The following LIPK variants were observed in gnomAD, a reference collection of about 807,000 sequenced individuals.
The protein encoded by LIPK is lipase family member K, also known as lipase member K.
A neutral mutation model predicts 48.6 loss-of-function variants in LIPK; 32 were observed. That is an observed-to-expected ratio of 0.66 (90% CI 0.50 to 0.88). LIPK has a LOEUF of 0.88. Ranked by LOEUF, LIPK falls within the 40% of genes least tolerant of loss-of-function variation. LIPK has a pLI of 0.00. For synonymous variants in LIPK, 164 were observed against 157.4 expected, an observed-to-expected ratio of 1.04 and a Z score of -0.32; for missense variants, 507 against 478.5, an observed-to-expected ratio of 1.06 and a Z score of -0.56.
intron 7 of LIPK, among the ~76,000 whole-genome samples, chr10:88,739,069 T>C (rs942211531): frequency 2.0e-5 from 3 of 152,234 alleles, no homozygotes; most frequent in Non-Finnish European, 4.4e-5. Flanking sequence ...AATAGTGCAA[T>C]TGAAAATATG....
chr10:88,750,032 T>C (rs1300854399), intron 9 of LIPK, among the ~76,000 whole-genome samples: 1 of 152,096 alleles, frequency 6.6e-6, no homozygotes, highest in Non-Finnish European at 1.5e-5. Flanking sequence ...AAGACATACA[T>C]GCATCTAATA....
intron 1 of LIPK, among the ~76,000 whole-genome samples, chr10:88,710,606 C>G (rs1242270802): frequency 1.3e-5 from 2 of 152,090 alleles, no homozygotes; most frequent in Non-Finnish European, 2.9e-5. Flanking sequence ...AGTATGCACT[C>G]CTTTGCGCTT....
chr10:88,738,405 C>T (rs562864483), intron 7 of LIPK, among the ~76,000 whole-genome samples: 1 of 152,260 alleles, frequency 6.6e-6, no homozygotes, highest in African/African-American at 2.4e-5. Context: ...TGAAGTTGGT[C>T]TCCACCTCTC....
rs1197934918 is a variant in LIPK at position 88,731,103 on chromosome 10, T to C, written c.344T>C (p.Leu115Ser). 6.2e-7 allele frequency: 1 copy of C among 1,607,258 alleles called. No individual in the cohort carries two copies. The highest frequency in any genetic ancestry group is 2.2e-5 in the East Asian group (1 of 44,784). ...GCAGATAGTGGTTATGACGTGTGGT[T>C]GGGGAACAGCCGAGGAAACACTTGG... The part of the protein sequence containing the change: ...LLADSGYDVW[L>S]GNSRGNTWSR... Residue 115 changes from leucine to serine, a missense_variant, in exon 4 of 10, where the codon TTG (leucine) becomes TCG (serine). Coordinates refer to ENST00000404190, the MANE Select transcript of LIPK (RefSeq NM_001080518.2).
Position 88,743,320 on chromosome 10 carries a change from A to C in LIPK, c.959A>C (p.Gln320Pro). 2 of 1,580,974 alleles carry C rather than the reference A, an allele frequency of 1.3e-6. No individual in the cohort carries two copies. The change falls in exon 9 of 10, where the codon CAG becomes CCG. Residue 320 changes from glutamine (Q) to proline (P), a missense_variant and splice_region_variant. Gln to Pro is a moderately conservative substitution (Grantham distance 76, BLOSUM62 -1). Transcript: ENST00000404190. ...NSDQNMMHFHQLTPPLYNITK... is the reference protein window; with the variant it reads ...NSDQNMMHFHPLTPPLYNITK... ...GATCAGAACATGATGCACTTCCATCAGGTACAAAAATAATCCTCATAATCA... is the reference window on the plus strand; with the variant it reads ...GATCAGAACATGATGCACTTCCATCCGGTACAAAAATAATCCTCATAATCA...
chr10:88,719,915 G>A (rs1006045746), intron 1 of LIPK, among the ~76,000 whole-genome samples: 3 of 152,152 alleles, frequency 2.0e-5, no homozygotes, highest in African/African-American at 7.2e-5. Flanking sequence ...AGTGCAAAAT[G>A]CATTACTTAT....
At chr10:88,732,683 C>A in intron 6 of LIPK, 132 bp downstream of exon 6, 1 of 920,244 alleles carries the variant, frequency 1.1e-6, no homozygotes, top group Non-Finnish European at 1.6e-6. Context: ...CATGTAAGTT[C>A]ACTGATGATG....
intron 1 of LIPK, among the ~76,000 whole-genome samples, chr10:88,716,016 G>A (rs556880646): frequency 1.6e-4 from 25 of 152,172 alleles, no homozygotes; most frequent in African/African-American, 6.0e-4. Flanking sequence ...ATATTTGGAA[G>A]TGGAAGTTTT....
At chr10:88,717,612 G>C (rs759523038) in intron 1 of LIPK, among the ~76,000 whole-genome samples, 2 of 152,106 alleles carry the variant, frequency 1.3e-5, no homozygotes, top group African/African-American at 2.4e-5. Flanking sequence ...CATTGTGATA[G>C]AGAAGAGGAT....
intron 9 of LIPK, among the ~76,000 whole-genome samples, chr10:88,745,337 C>G (rs1564570971): frequency 6.6e-6 from 1 of 152,102 alleles, no homozygotes; most frequent in Non-Finnish European, 1.5e-5. Flanking sequence ...TCATCAGATT[C>G]TCCAAGGTCT....
At chr10:88,750,925 A>G (rs1372186965) in intron 9 of LIPK, among the ~76,000 whole-genome samples, 3 of 152,114 alleles carry the variant, frequency 2.0e-5, no homozygotes, top group Non-Finnish European at 4.4e-5. Flanking sequence ...CAAACAAACA[A>G]ACAAAAAACA....
intron 7 of LIPK, among the ~76,000 whole-genome samples, chr10:88,739,274 T>C (rs1037044410): frequency 2.6e-5 from 4 of 152,206 alleles, no homozygotes; most frequent in African/African-American, 9.6e-5. Flanking sequence ...ATTCTTAGTG[T>C]CTTAGGGCCA....
At chr10:88,744,803 A>C (rs1348572825) in intron 9 of LIPK, among the ~76,000 whole-genome samples, 1 of 152,246 alleles carries the variant, frequency 6.6e-6, no homozygotes, top group East Asian at 1.9e-4. Context: ...ACAGATACAC[A>C]GTTCAGAATC....
intron 9 of LIPK, among the ~76,000 whole-genome samples, chr10:88,751,922 A>G (rs1166438829): frequency 6.6e-6 from 1 of 152,206 alleles, no homozygotes; most frequent in Non-Finnish European, 1.5e-5. Context: ...CGAATTGGCC[A>G]GACCTGGTTA....
chr10:88,720,669 G>A (rs954560406), intron 1 of LIPK, among the ~76,000 whole-genome samples: 1 of 151,254 alleles, frequency 6.6e-6, no homozygotes, highest in Non-Finnish European at 1.5e-5. Flanking sequence ...CCAGATACAT[G>A]TGTGTGTATG....
At chr10:88,730,249 G>C (rs1842436263) in intron 3 of LIPK, among the ~76,000 whole-genome samples, 1 of 152,038 alleles carries the variant, frequency 6.6e-6, no homozygotes, top group Non-Finnish European at 1.5e-5. Context: ...AACAGTAATA[G>C]AGCTAATATA....
intron 1 of LIPK, among the ~76,000 whole-genome samples, chr10:88,716,637 A>G (rs568356756): frequency 6.6e-6 from 1 of 152,302 alleles, no homozygotes; most frequent in East Asian, 1.9e-4. Context: ...GATTACAGGC[A>G]TGAGCCACTG....
At chr10:88,724,940 T>C (rs1842305668) in intron 2 of LIPK, among the ~76,000 whole-genome samples, 1 of 152,216 alleles carries the variant, frequency 6.6e-6, no homozygotes, top group African/African-American at 2.4e-5. Flanking sequence ...CCTTTGAGTT[T>C]TCCCCGAGAT....
intron 6 of LIPK, among the ~76,000 whole-genome samples, chr10:88,733,266 C>T (rs565026050): frequency 2.6e-5 from 4 of 152,316 alleles, no homozygotes; most frequent in African/African-American, 9.6e-5. Context: ...TAGTTGACAG[C>T]TAACTAATCT....
Sources: allele counts gnomAD v4.1 joint callset (sites outside exome capture counted in the v4.1 genomes callset), GRCh38; gene constraint gnomAD v4.1.1; transcripts MANE v1.5; gene names NCBI Gene and HGNC (gene_info 2026-07-23, HGNC 2026-07-21).